The following RGS7 variants were observed in gnomAD, a reference collection of about 807,000 sequenced individuals.
The protein encoded by RGS7 is regulator of G-protein signaling 7.
A neutral mutation model predicts 81.1 loss-of-function variants in RGS7; 27 were observed. That is an observed-to-expected ratio of 0.33 (90% CI 0.25 to 0.46). The LOEUF (loss-of-function observed/expected upper bound fraction) is 0.46. Ranked by LOEUF, RGS7 falls within the 20% of genes least tolerant of loss-of-function variation. The probability of loss-of-function intolerance (pLI) is 1.00; values close to 1 mark genes in which losing one functional copy is unlikely to be tolerated. For synonymous variants in RGS7, 208 were observed against 207.7 expected (o/e 1.00, Z -0.01); for missense variants, 396 against 607.4 (o/e 0.65, Z 3.66).
At chr1:241,006,370 T>G (rs1471629991) in intron 3 of RGS7, among the ~76,000 whole-genome samples, 2 of 152,214 alleles carry the variant, frequency 1.3e-5, no homozygotes, top group Non-Finnish European at 2.9e-5. Context: ...TCATCTTATT[T>G]TCTACCATCT....
In RGS7 at chr1:240,824,689, G is replaced by A. The variant is rs151244159; in HGVS notation, c.684+2409C>T. ...ACTCCCTTTGTCATATGTCATGGACGGAGTTGTGTCCCCTCCCCTAAATTC... is the reference window on the plus strand; with the variant it reads ...ACTCCCTTTGTCATATGTCATGGACAGAGTTGTGTCCCCTCCCCTAAATTC... On this transcript the variant is annotated intron_variant, in intron 10 of 18. Transcript: ENST00000440928. Among the ~76,000 whole-genome samples, 81 of 152,322 alleles carry A rather than the reference G, an allele frequency of 5.3e-4. 1 individual carries two copies. The highest frequency in any genetic ancestry group is 1.9e-3 in the African/African-American group (79 of 41,580).
In RGS7 at chr1:240,891,043, T is replaced by C. The variant is rs150426366; in HGVS notation, c.386-20924A>G. On this transcript the variant is annotated intron_variant, in intron 6 of 18. Transcript: ENST00000440928. Reference sequence around the variant, plus strand: ...CCTGATCAATGCAGAAAGAAAGGATTATAGTGAGACAAAACTTTGCAAGAC... The same window carrying C: ...CCTGATCAATGCAGAAAGAAAGGATCATAGTGAGACAAAACTTTGCAAGAC... Among the ~76,000 whole-genome samples the C allele has an allele frequency of 3.7e-3, 558 of 152,276 alleles. 5 individuals carry two copies. The highest frequency in any genetic ancestry group is 0.013 in the African/African-American group (535 of 41,542).
chr1:241,143,828 G>A (rs2068101750), intron 2 of RGS7, among the ~76,000 whole-genome samples: 1 of 152,192 alleles, frequency 6.6e-6, no homozygotes, highest in South Asian at 2.1e-4. Flanking sequence ...ATTAGATCAT[G>A]AGGGCAAAGC....
At chr1:241,128,383 C>T (rs574680842) in intron 2 of RGS7, among the ~76,000 whole-genome samples, 78 of 151,822 alleles carry the variant, frequency 5.1e-4, no homozygotes, top group African/African-American at 1.8e-3. Context: ...CAGGAGTTTG[C>T]GACCAGCCTG....
chr1:241,347,863 T>C (rs1256346606), intron 2 of RGS7, among the ~76,000 whole-genome samples: 1 of 152,202 alleles, frequency 6.6e-6, no homozygotes, highest in South Asian at 2.1e-4. Flanking sequence ...GAGGCCATGG[T>C]CTATGGTCTT....
intron 6 of RGS7, among the ~76,000 whole-genome samples, chr1:240,909,288 A>G (rs1671340609): frequency 6.6e-6 from 1 of 152,238 alleles, no homozygotes. Context: ...TGACATTTCT[A>G]GACTATAAAC....
intron 18 of RGS7, among the ~76,000 whole-genome samples, chr1:240,777,390 TTTAA>T (rs1683152648): frequency 6.6e-6 from 1 of 152,234 alleles, no homozygotes; most frequent in South Asian, 2.1e-4. Flanking sequence ...GGGCCAGTTA[TTTAA>T]TGAATTTTTG....
intron 4 of RGS7, among the ~76,000 whole-genome samples, chr1:240,942,914 T>C (rs1336658926): frequency 6.6e-6 from 1 of 152,144 alleles, no homozygotes; most frequent in Non-Finnish European, 1.5e-5. Context: ...CAAGTAAAAA[T>C]GGACTATTAC....
intron 3 of RGS7, among the ~76,000 whole-genome samples, chr1:241,007,022 T>A (rs570522654): frequency 5.3e-5 from 8 of 152,288 alleles, no homozygotes; most frequent in African/African-American, 1.9e-4. Context: ...GATCAAGCGA[T>A]TCTCCTGTCT....
At chr1:240,787,261 CA>C (rs1424749509) in intron 18 of RGS7, among the ~76,000 whole-genome samples, 2 of 152,174 alleles carry the variant, frequency 1.3e-5, no homozygotes, top group African/African-American at 4.8e-5. Context: ...GTCCCTCCCT[CA>C]TTCTTCTAAT....
At chr1:241,201,420 C>A (rs2147855538) in intron 2 of RGS7, among the ~76,000 whole-genome samples, 1 of 152,296 alleles carries the variant, frequency 6.6e-6, no homozygotes, top group Non-Finnish European at 1.5e-5. Flanking sequence ...CTTTCCAGAA[C>A]CATCCACCAT....
intron 4 of RGS7, among the ~76,000 whole-genome samples, chr1:240,948,473 A>C (rs111443078): frequency 0.04 from 6,031 of 152,040 alleles, 126 homozygotes; most frequent in East Asian, 0.066. Flanking sequence ...TTTGAGACGG[A>C]GTCTGTGTTG....
chr1:241,278,289 A>C (rs1288751770), intron 2 of RGS7, among the ~76,000 whole-genome samples: 1 of 152,238 alleles, frequency 6.6e-6, no homozygotes. Flanking sequence ...TTCTTTAAAA[A>C]ATGAACATAA....
intron 18 of RGS7, among the ~76,000 whole-genome samples, chr1:240,793,114 C>T (rs1686298892): frequency 1.3e-5 from 2 of 152,092 alleles, no homozygotes; most frequent in South Asian, 4.1e-4. Flanking sequence ...GGTGACATTT[C>T]CCACTGTGGG....
intron 2 of RGS7, among the ~76,000 whole-genome samples, chr1:241,228,988 G>A (rs1351876414): frequency 6.6e-6 from 1 of 151,564 alleles, no homozygotes; most frequent in African/African-American, 2.4e-5. Flanking sequence ...AGCTGAGTGA[G>A]GGGTAAATAG....
At chr1:240,963,635 T>C (rs1681821567) in intron 4 of RGS7, among the ~76,000 whole-genome samples, 1 of 152,100 alleles carries the variant, frequency 6.6e-6, no homozygotes, top group African/African-American at 2.4e-5. Context: ...TTTCAGTGTA[T>C]AAGTGGGGGA....
At chr1:241,088,179 G>A (rs1424908249) in intron 3 of RGS7, among the ~76,000 whole-genome samples, 3 of 151,336 alleles carry the variant, frequency 2.0e-5, no homozygotes, top group Non-Finnish European at 2.9e-5. Flanking sequence ...GAAAAAACAG[G>A]GCAGGGATAA....
At chr1:241,221,040 A>AGT (rs770051776) in intron 2 of RGS7, among the ~76,000 whole-genome samples, 1 of 83,026 alleles carries the variant, frequency 1.2e-5, no homozygotes, top group African/African-American at 3.9e-5. Context: ...GAAGGAAGGA[A>AGT]AAGAAAGAAA....
chr1:240,998,867 G>T (rs1344810898), intron 3 of RGS7: 1 of 451,832 alleles, frequency 2.2e-6, no homozygotes, highest in Non-Finnish European at 4.2e-6. Context: ...CTGAGGAAAG[G>T]TTCTTCAAGC....
Sources: gnomAD v4.1 joint callset for allele counts (sites outside exome capture counted in the v4.1 genomes callset) on GRCh38, gnomAD v4.1.1 for gene constraint, MANE v1.5 for transcripts, NCBI Gene and HGNC (gene_info 2026-07-23, HGNC 2026-07-21) for gene names.